SORCS1: variants seen among roughly 807,000 people sequenced by gnomAD.
SORCS1 encodes VPS10 domain-containing receptor SorCS1.
SORCS1 carries 60 observed loss-of-function variants against 146.1 expected under a neutral mutation model. The observed-to-expected ratio is 0.41, with a 90% confidence interval of 0.33 to 0.51. The LOEUF is 0.51. Ranked by LOEUF, SORCS1 falls within the 20% of genes least tolerant of loss-of-function variation. SORCS1 has a pLI of 0.21. For synonymous variants in SORCS1, 637 were observed against 584.0 expected (o/e 1.09, Z -1.31); for missense variants, 1,352 against 1,487.6 (o/e 0.91, Z 1.50).
chr10:107,177,389 A>G, the SORCS1 span, among the ~76,000 whole-genome samples: 1 of 152,330 alleles, frequency 6.6e-6, no homozygotes, highest in East Asian at 1.9e-4. Flanking sequence ...CAGAATTACA[A>G]TCAGGATATT....
At chr10:106,616,523 C>A (rs2418814) in intron 21 of SORCS1, among the ~76,000 whole-genome samples, 148,452 of 152,162 alleles carry the variant, frequency 0.98, 72,505 homozygotes, top group East Asian at 1. Context: ...TTCCCAGCAC[C>A]CAGAAAGGAG....
intron 1 of SORCS1, among the ~76,000 whole-genome samples, chr10:107,149,864 A>G (rs764580309): frequency 1.4e-4 from 21 of 152,240 alleles, no homozygotes; most frequent in Non-Finnish European, 2.4e-4. Flanking sequence ...GATCAACCCA[A>G]GACCCAAGAT....
intron 1 of SORCS1, among the ~76,000 whole-genome samples, chr10:107,034,711 T>C (rs1384565017): frequency 1.9e-5 from 1 of 52,760 alleles, no homozygotes; most frequent in Admixed American, 2.0e-4. Context: ...AAAAAAACAA[T>C]GTTCATAGAA....
At chr10:106,900,851 G>A (rs1272616019) in intron 2 of SORCS1, among the ~76,000 whole-genome samples, 1 of 152,200 alleles carries the variant, frequency 6.6e-6, no homozygotes. Context: ...TTATTACACA[G>A]ATGAGGGAGC....
intron 4 of SORCS1, among the ~76,000 whole-genome samples, chr10:106,771,800 C>A (rs1251175477): frequency 4.6e-5 from 7 of 152,192 alleles, no homozygotes; most frequent in Non-Finnish European, 8.8e-5. Context: ...AAAGGCACAT[C>A]CTCACATAGG....
chr10:106,577,459 C>A lies in SORCS1; in HGVS notation c.3468G>T (p.Thr1156=). 1 of 1,538,100 alleles carries A rather than the reference C, an allele frequency of 6.5e-7. No individual in the cohort carries two copies. The highest frequency in any genetic ancestry group is 8.8e-7 in the Non-Finnish European group (1 of 1,133,066). Residue 1156 remains threonine (T), a synonymous_variant, in exon 26 of 26, where the codon ACG becomes ACT. Transcript: ENST00000263054. The stretch of plus-strand genomic sequence containing the variant: ...GTGCCCCAGCAGATCCCCGCTTTGG[C>A]GTTGAAGGCGGAGTGGCGTGTCTTG... ...QRARHATPPS[T]PKRGSAGAQY...
chr10:106,747,976 C>T (rs896985288), intron 5 of SORCS1, among the ~76,000 whole-genome samples: 2 of 152,210 alleles, frequency 1.3e-5, no homozygotes, highest in Non-Finnish European at 2.9e-5. Flanking sequence ...ATCTGTCCTA[C>T]ATTTTTCACT....
chr10:106,793,108 C>T (rs892227425), intron 3 of SORCS1, among the ~76,000 whole-genome samples: 6 of 152,090 alleles, frequency 3.9e-5, no homozygotes, highest in Non-Finnish European at 7.4e-5. Flanking sequence ...ACAAAAATAA[C>T]AGATCAATGA....
chr10:106,872,332 G>A (rs1265685954), intron 2 of SORCS1, among the ~76,000 whole-genome samples: 2 of 152,206 alleles, frequency 1.3e-5, no homozygotes, highest in Non-Finnish European at 2.9e-5. Context: ...ACCAAGCTCA[G>A]GATATCTGAC....
chr10:106,988,552 T>C (rs1046265287), intron 1 of SORCS1, among the ~76,000 whole-genome samples: 1 of 152,148 alleles, frequency 6.6e-6, no homozygotes. Flanking sequence ...TACTTTTTTT[T>C]TTTAGAATTC....
intron 2 of SORCS1, among the ~76,000 whole-genome samples, chr10:106,865,283 T>C (rs1182493774): frequency 6.6e-6 from 1 of 151,060 alleles, no homozygotes; most frequent in Non-Finnish European, 1.5e-5. Context: ...CATACCTTCC[T>C]GGGACAGAGC....
chr10:107,168,358 C>G (rs548412911), upstream of SORCS1, among the ~76,000 whole-genome samples: 12 of 152,192 alleles, frequency 7.9e-5, no homozygotes, highest in Non-Finnish European at 1.6e-4. Context: ...CCAGATCTTT[C>G]TAAGCGTATA....
intron 1 of SORCS1, among the ~76,000 whole-genome samples, chr10:106,998,137 T>TA (rs1957074965): frequency 6.6e-6 from 1 of 152,240 alleles, no homozygotes; most frequent in Non-Finnish European, 1.5e-5. Context: ...TTCTAATACA[T>TA]ACATTCACAT....
chr10:107,092,336 G>A (rs1964241429), intron 1 of SORCS1, among the ~76,000 whole-genome samples: 2 of 152,212 alleles, frequency 1.3e-5, no homozygotes, highest in South Asian at 4.1e-4. Flanking sequence ...TGAAAACCAG[G>A]ATGAGAGACA....
intron 2 of SORCS1, among the ~76,000 whole-genome samples, chr10:106,942,858 C>T (rs1026460303): frequency 4.6e-5 from 7 of 152,290 alleles, no homozygotes; most frequent in African/African-American, 7.2e-5. Flanking sequence ...AGTCTCTTTT[C>T]ACTGATTTCT....
intron 2 of SORCS1, among the ~76,000 whole-genome samples, chr10:106,891,501 A>ATTTTTTTTTTTT (rs562213104): frequency 4.1e-5 from 3 of 74,064 alleles, no homozygotes; most frequent in African/African-American, 6.0e-5. Context: ...TTCAATGGGA[A>ATTTTTTTTTTTT]TTCTTTTTTT....
chr10:107,020,274 G>T (rs1299255719), intron 1 of SORCS1, among the ~76,000 whole-genome samples: 2 of 152,182 alleles, frequency 1.3e-5, no homozygotes, highest in Non-Finnish European at 2.9e-5. Context: ...AGAATTGCAT[G>T]TAGTAAATAG....
At chr10:107,018,239 A>G (rs1046360799) in intron 1 of SORCS1, among the ~76,000 whole-genome samples, 2 of 151,888 alleles carry the variant, frequency 1.3e-5, no homozygotes, top group Non-Finnish European at 2.9e-5. Flanking sequence ...CAGTGGCGCA[A>G]TCTTGGCTCA....
intron 24 of SORCS1, among the ~76,000 whole-genome samples, chr10:106,585,472 C>T (rs1845175183): frequency 6.6e-6 from 1 of 152,126 alleles, no homozygotes; most frequent in Admixed American, 6.5e-5. Context: ...TTGATAGTAG[C>T]TCAATCTGGT....
Sources: gnomAD v4.1 joint callset for allele counts (sites outside exome capture counted in the v4.1 genomes callset) on GRCh38, gnomAD v4.1.1 for gene constraint, MANE v1.5 for transcripts, NCBI Gene and HGNC (gene_info 2026-07-23, HGNC 2026-07-21) for gene names.